Variants in KCNG2 observed in about 807,000 individuals in gnomAD.
The protein encoded by KCNG2 is voltage-gated potassium channel regulatory subunit KCNG2.
KCNG2 carries 7 observed loss-of-function variants against 12.3 expected under a neutral mutation model. That is an observed-to-expected ratio of 0.57 (90% CI 0.32 to 1.07). The LOEUF (loss-of-function observed/expected upper bound fraction) is 1.07. Ranked by LOEUF, KCNG2 falls within the 50% of genes least tolerant of loss-of-function variation. The pLI, the probability that KCNG2 is intolerant of heterozygous loss-of-function variation, is 0.04. For missense variants in KCNG2, 703 were observed against 726.0 expected, an observed-to-expected ratio of 0.97 and a Z score of 0.36; for synonymous variants, 414 against 351.4, an observed-to-expected ratio of 1.18 and a Z score of -1.99.
chr18:79,885,851 G>A (rs1214132694), intron 3 of KCNG2, among the ~76,000 whole-genome samples: 7 of 121,682 alleles, frequency 5.8e-5, no homozygotes, highest in African/African-American at 2.1e-4. Flanking sequence ...GGGACAGGGA[G>A]ATGGGGATGG....
chr18:79,889,725 A>T (rs1980679591), intron 3 of KCNG2, among the ~76,000 whole-genome samples: 1 of 152,242 alleles, frequency 6.6e-6, no homozygotes, highest in South Asian at 2.1e-4. Flanking sequence ...GTCTGTGCAC[A>T]TTCTGTTTAA....
chr18:79,853,973 G>A (rs919570014), intron 1 of KCNG2, among the ~76,000 whole-genome samples: 2 of 152,382 alleles, frequency 1.3e-5, no homozygotes, highest in African/African-American at 2.4e-5. Context: ...AAACAGCACA[G>A]ACCAGTTTCC....
At chr18:79,846,562 T>G (rs1978638016) in intron 1 of KCNG2, among the ~76,000 whole-genome samples, 1 of 152,208 alleles carries the variant, frequency 6.6e-6, no homozygotes, top group African/African-American at 2.4e-5. Flanking sequence ...GAGTCATATT[T>G]TATTCAAAAT....
chr18:79,884,013 C>G lies in KCNG2; in HGVS notation c.625-15027C>G, dbSNP rs1980421144. Among the ~76,000 whole-genome samples, 2 of 151,132 alleles carry G rather than the reference C, an allele frequency of 1.3e-5. No homozygotes were observed. Among genetic ancestry groups the G allele is most frequent in the African/African-American group, 4.9e-5 (2 of 41,034 alleles). ...CGTCCCCCGCCCCCGTCTAGCCAGT[C>G]CCCACGTCCTGACGTTTCTATCCCA... On this transcript the variant is annotated intron_variant, in intron 3 of 3. Coordinates refer to ENST00000316249, the MANE Select transcript of KCNG2 (RefSeq NM_012283.2). This position sits in a 1 kb window ranked among gnomAD's most constrained non-coding sequence, Gnocchi z 5.5.
chr18:79,856,689 G>A (rs191610864), intron 2 of KCNG2, among the ~76,000 whole-genome samples: 46 of 152,218 alleles, frequency 3.0e-4, no homozygotes, highest in African/African-American at 9.9e-4. Flanking sequence ...GGGAGCTCAC[G>A]GGGCCGTCTG....
chr18:79,829,170 T>C (rs1029111210), intron 1 of KCNG2, among the ~76,000 whole-genome samples: 4 of 149,998 alleles, frequency 2.7e-5, no homozygotes, highest in African/African-American at 7.4e-5. Context: ...GTGTGTAACA[T>C]GTCCATGATG....
chr18:79,873,350 C>T (rs999689243), intron 3 of KCNG2, among the ~76,000 whole-genome samples: 2 of 151,690 alleles, frequency 1.3e-5, no homozygotes, highest in East Asian at 3.9e-4. Context: ...CCCCGCCTCC[C>T]CAGGCCTCCC....
At chr18:79,870,620 T>G (rs1261040452) in intron 3 of KCNG2, among the ~76,000 whole-genome samples, 1 of 152,260 alleles carries the variant, frequency 6.6e-6, no homozygotes, top group Non-Finnish European at 1.5e-5. Flanking sequence ...GGCTGGAGGT[T>G]GTTTTTCAAA....
intron 3 of KCNG2, among the ~76,000 whole-genome samples, chr18:79,866,453 A>AG (rs1979555781): frequency 2.7e-5 from 2 of 73,950 alleles, no homozygotes; most frequent in Admixed American, 1.5e-4. Flanking sequence ...GGGTGCTGAG[A>AG]GTGTGGGTGC....
At chr18:79,867,924 C>CT (rs1450595149) in intron 3 of KCNG2, among the ~76,000 whole-genome samples, 12 of 152,140 alleles carry the variant, frequency 7.9e-5, no homozygotes, top group Admixed American at 7.9e-4. Flanking sequence ...TGAACTGACC[C>CT]AAGCCTGCGG....
intron 2 of KCNG2, among the ~76,000 whole-genome samples, chr18:79,857,711 C>CTT (rs1234362336): frequency 7.5e-6 from 1 of 133,892 alleles, no homozygotes; most frequent in East Asian, 2.3e-4. Flanking sequence ...AGTGATGAGG[C>CTT]TTGCGTGTTA....
intron 1 of KCNG2, among the ~76,000 whole-genome samples, chr18:79,840,581 A>G (rs1319168558): frequency 6.6e-6 from 1 of 152,242 alleles, no homozygotes; most frequent in Admixed American, 6.5e-5. Context: ...AAAAATATAT[A>G]GATGAGATTA....
At chr18:79,825,310 CT>C (rs1241104964) in intron 1 of KCNG2, among the ~76,000 whole-genome samples, 1 of 152,108 alleles carries the variant, frequency 6.6e-6, no homozygotes, top group East Asian at 1.9e-4. Context: ...AATAATGTGG[CT>C]TTAAAAAAGA....
intron 3 of KCNG2, among the ~76,000 whole-genome samples, chr18:79,894,562 G>A (rs1017270232): frequency 2.7e-5 from 4 of 150,688 alleles, no homozygotes; most frequent in African/African-American, 9.8e-5. Flanking sequence ...ATATAGTTGG[G>A]TCTGTGTCTG....
At chr18:79,880,176 A>G (rs1293196640) in intron 3 of KCNG2, among the ~76,000 whole-genome samples, 3 of 152,120 alleles carry the variant, frequency 2.0e-5, no homozygotes, top group African/African-American at 7.2e-5. Flanking sequence ...GTCACCCAAA[A>G]TGTGTAACAT....
chr18:79,802,423 G>A (rs1032070837), intron 1 of KCNG2, among the ~76,000 whole-genome samples: 1 of 151,634 alleles, frequency 6.6e-6, no homozygotes, highest in African/African-American at 2.4e-5. Flanking sequence ...GCCTGGCCTT[G>A]ACACCTGTCC....
chr18:79,844,572 T>G (rs1393265480), intron 1 of KCNG2, among the ~76,000 whole-genome samples: 1 of 152,254 alleles, frequency 6.6e-6, no homozygotes, highest in Non-Finnish European at 1.5e-5. Flanking sequence ...AAATGGTAAC[T>G]GTGCAAAGTG....
At chr18:79,872,676 C>T (rs1979897429) in intron 3 of KCNG2, among the ~76,000 whole-genome samples, 1 of 152,236 alleles carries the variant, frequency 6.6e-6, no homozygotes, top group African/African-American at 2.4e-5. Flanking sequence ...TTCTCAGACT[C>T]TGAGTGTGAC....
intron 3 of KCNG2, among the ~76,000 whole-genome samples, chr18:79,880,337 T>C (rs1244515280): frequency 9.4e-6 from 1 of 106,474 alleles, no homozygotes; most frequent in Non-Finnish European, 2.1e-5. Flanking sequence ...AAAAAAAAAA[T>C]TACATGTACA....
Sources: gnomAD v4.1 joint callset for allele counts (sites outside exome capture counted in the v4.1 genomes callset) on GRCh38, gnomAD v4.1.1 for gene constraint, Gnocchi (gnomAD v3.1) non-coding constraint, MANE v1.5 for transcripts, NCBI Gene and HGNC (gene_info 2026-07-23, HGNC 2026-07-21) for gene names.